LRRC1: variants seen among roughly 807,000 people sequenced by gnomAD.
The protein encoded by LRRC1 is leucine rich repeat containing 1, also known as leucine-rich repeat-containing protein 1.
A neutral mutation model predicts 69.9 loss-of-function variants in LRRC1; 28 were observed. The ratio of observed to expected loss-of-function variants is 0.40; its 90% CI spans 0.30 to 0.55. The LOEUF is 0.55. Among genes scored for constraint, LRRC1 ranks in the 20% least tolerant of loss-of-function variants. LRRC1 has a pLI of 0.47. For synonymous variants in LRRC1, 236 were observed against 240.2 expected, an observed-to-expected ratio of 0.98 and a Z score of 0.16; for missense variants, 498 against 609.0, an observed-to-expected ratio of 0.82 and a Z score of 1.92.
At chr6:53,884,269 C>G in intron 4 of LRRC1, 1 of 416,096 alleles carries the variant, frequency 2.4e-6, no homozygotes. Context: ...TTTTGGGAGG[C>G]TGAGGTGGGA....
At chr6:53,869,378 A>AT (rs935395048) in intron 2 of LRRC1, among the ~76,000 whole-genome samples, 8 of 151,642 alleles carry the variant, frequency 5.3e-5, no homozygotes, top group Non-Finnish European at 1.0e-4. Flanking sequence ...CATTGAGAAG[A>AT]TTTTTTTTTC....
In LRRC1 at chr6:53,902,808, A is replaced by G. The variant is rs1768100645; in HGVS notation, c.906+61A>G. On this transcript the variant is annotated intron_variant, in intron 9 of 13. Transcript: ENST00000370888. ...CTAGGGTAGATTCTACTTAATTTGT[A>G]ATTTGAGTGGACTAAATGGAAATTT... 14 of 1,054,508 alleles carry G rather than the reference A, an allele frequency of 1.3e-5. No individual in the cohort carries two copies. In the South Asian group the frequency reaches 1.9e-4, roughly 14 times the overall value. The allele number at this position is 1,054,508 out of a possible 1,614,324, so 65.3% of individuals were successfully genotyped here.
At chr6:53,842,549 A>G (rs181626944) in intron 2 of LRRC1, among the ~76,000 whole-genome samples, 18 of 152,372 alleles carry the variant, frequency 1.2e-4, no homozygotes, top group Admixed American at 1.2e-3. Flanking sequence ...CTTTCTCCAA[A>G]TAAGTTCAAT....
intron 13 of LRRC1, 115 bp downstream of exon 13, chr6:53,920,876 C>A: frequency 8.2e-7 from 1 of 1,212,224 alleles, no homozygotes; most frequent in Non-Finnish European, 1.1e-6. Flanking sequence ...TTGCCTTCAG[C>A]ATTTAGGAAT....
At chr6:53,896,173 G>C (rs939519489) in intron 4 of LRRC1, among the ~76,000 whole-genome samples, 1 of 152,214 alleles carries the variant, frequency 6.6e-6, no homozygotes, top group Non-Finnish European at 1.5e-5. Flanking sequence ...TTCTGTCTCA[G>C]TCCTGAGAGT....
At chr6:53,795,472 C>G in intron 1 of LRRC1, 57 bp downstream of exon 1, 1 of 1,531,160 alleles carries the variant, frequency 6.5e-7, no homozygotes, top group South Asian at 1.2e-5. Flanking sequence ...CCCTTCCGCT[C>G]CCATCCTCTC....
intron 3 of LRRC1, among the ~76,000 whole-genome samples, chr6:53,882,089 C>T (rs1562058230): frequency 6.6e-6 from 1 of 152,084 alleles, no homozygotes; most frequent in Non-Finnish European, 1.5e-5. Flanking sequence ...TGGCTCACAC[C>T]TGTAATCCCA....
intron 1 of LRRC1, among the ~76,000 whole-genome samples, chr6:53,809,166 C>G (rs1236016153): frequency 6.6e-6 from 1 of 152,162 alleles, no homozygotes; most frequent in East Asian, 1.9e-4. Flanking sequence ...CTATTTTTTC[C>G]TGTTCTCAAA....
At chr6:53,795,499 C>G in intron 1 of LRRC1, 84 bp downstream of exon 1, 3 of 1,389,706 alleles carry the variant, frequency 2.2e-6, no homozygotes, top group South Asian at 1.4e-5. Flanking sequence ...CCTCTTCCAT[C>G]TCCGGGTCCG....
At chr6:53,837,992 G>A (rs1442319847) in intron 1 of LRRC1, among the ~76,000 whole-genome samples, 1 of 152,186 alleles carries the variant, frequency 6.6e-6, no homozygotes, top group African/African-American at 2.4e-5. Context: ...GTGTCTGTGT[G>A]TTCTGTCACA....
chr6:53,799,036 T>G (rs1045718735), intron 1 of LRRC1, among the ~76,000 whole-genome samples: 3 of 152,228 alleles, frequency 2.0e-5, no homozygotes, highest in Non-Finnish European at 4.4e-5. Flanking sequence ...GCGTGTGTTT[T>G]CCTGTAATCT....
chr6:53,795,484 C>G (rs938419994), intron 1 of LRRC1, 69 bp downstream of exon 1: 2 of 1,467,534 alleles, frequency 1.4e-6, no homozygotes, highest in African/African-American at 1.4e-5. Flanking sequence ...CATCCTCTCT[C>G]GTCCCCTCTT....
chr6:53,839,441 G>T, intron 1 of LRRC1, among the ~76,000 whole-genome samples: 1 of 152,106 alleles, frequency 6.6e-6, no homozygotes, highest in South Asian at 2.1e-4. Flanking sequence ...TCTATTTTTA[G>T]CAGAGTAATG....
intron 1 of LRRC1, among the ~76,000 whole-genome samples, chr6:53,806,118 G>C (rs3001000): frequency 0.85 from 129,266 of 152,250 alleles, 54,970 homozygotes; most frequent in East Asian, 0.96. Context: ...TAACATTCCT[G>C]CAGGAAGCCC....
chr6:53,836,406 A>C (rs559843890), intron 1 of LRRC1, among the ~76,000 whole-genome samples: 16 of 152,332 alleles, frequency 1.1e-4, no homozygotes, highest in South Asian at 2.1e-4. Flanking sequence ...AGTATAATCC[A>C]TGTAAAGTGT....
chr6:53,812,689 CAAAAAAA>C (rs10580267), intron 1 of LRRC1, among the ~76,000 whole-genome samples: 1 of 79,114 alleles, frequency 1.3e-5, no homozygotes, highest in Non-Finnish European at 2.3e-5. Context: ...GACTCCGTCT[CAAAAAAA>C]AAAAAAAAAA....
chr6:53,893,651 C>CT (rs1767774609), intron 4 of LRRC1, among the ~76,000 whole-genome samples: 1 of 152,228 alleles, frequency 6.6e-6, no homozygotes, highest in African/African-American at 2.4e-5. Context: ...ATTTGAAACA[C>CT]TAACAGTTCC....
chr6:53,897,229 A>T (rs1473914348), intron 6 of LRRC1, 56 bp from the exon 7 acceptor site: 5 of 1,179,270 alleles, frequency 4.2e-6, no homozygotes, highest in Non-Finnish European at 6.2e-6. Flanking sequence ...TTCTTTCTTC[A>T]GGGAAGACTG....
At chr6:53,899,936 C>T (rs375203191) in intron 8 of LRRC1, 45 bp downstream of exon 8, 49 of 1,537,258 alleles carry the variant, frequency 3.2e-5, no homozygotes, top group South Asian at 7.0e-5. Flanking sequence ...TGCCTGCCGT[C>T]GTCTTGAGGG....
Sources: gnomAD v4.1 joint callset for allele counts (sites outside exome capture counted in the v4.1 genomes callset) on GRCh38, gnomAD v4.1.1 for gene constraint, MANE v1.5 for transcripts, NCBI Gene and HGNC (gene_info 2026-07-23, HGNC 2026-07-21) for gene names.